The following CREBBP variants were observed in gnomAD, a reference collection of about 807,000 sequenced individuals.
The protein encoded by CREBBP is CREB binding lysine acetyltransferase, also known as CREB-binding protein.
In CREBBP, 19 loss-of-function variants were observed where a neutral mutation model predicts 265.0. The observed-to-expected ratio is 0.07, with a 90% CI of 0.05 to 0.11. CREBBP has a LOEUF of 0.11. Among genes scored for constraint, CREBBP ranks in the 10% least tolerant of loss-of-function variants. The pLI is 1.00. For synonymous variants in CREBBP, 1,457 were observed against 1,223.7 expected, an observed-to-expected ratio of 1.19 and a Z score of -3.98; for missense variants, 2,525 against 3,219.0, an observed-to-expected ratio of 0.78 and a Z score of 5.22.
At chr16:3,872,916 G>C (rs1371205427) in intron 1 of CREBBP, among the ~76,000 whole-genome samples, 1 of 152,248 alleles carries the variant, frequency 6.6e-6, no homozygotes, top group Admixed American at 6.5e-5. Context: ...CTCCCACTGG[G>C]GCATGCGGCC....
In CREBBP at chr16:3,727,377, T is replaced by C. The variant is rs2051771335; in HGVS notation, c.*341A>G. 1 of 287,178 alleles carries C rather than the reference T, an allele frequency of 3.5e-6. No individual in the cohort carries two copies. The highest frequency in any genetic ancestry group is 1.1e-3 in the Middle Eastern group (1 of 926). The allele number at this position is 287,178 out of a possible 1,614,324, so 17.8% of individuals were successfully genotyped here. ...ATACAAATAAAAAATATGAATATAA[T>C]GAACTTGTTTTTCCCGTTAAAAAAA... On this transcript the variant is annotated 3_prime_UTR_variant, in exon 31 of 31. Coordinates refer to ENST00000262367, the MANE Select transcript of CREBBP (RefSeq NM_004380.3).
intron 1 of CREBBP, among the ~76,000 whole-genome samples, chr16:3,874,814 A>G (rs59194068): frequency 6.6e-6 from 1 of 152,322 alleles, no homozygotes; most frequent in East Asian, 1.9e-4. Context: ...CATGCCCTCT[A>G]GTTTCTTGGA....
In CREBBP at chr16:3,752,598, T is replaced by A. The variant is rs3761678; in HGVS notation, c.3699-792A>T. ...CATTTATCAATATGAATATACAGAGTAAGAAATGTGATATATTGTATAAGA... is the reference window on the plus strand; with the variant it reads ...CATTTATCAATATGAATATACAGAGAAAGAAATGTGATATATTGTATAAGA... On this transcript the variant is annotated intron_variant, in intron 19 of 30. Transcript: ENST00000262367. 5.7e-3 allele frequency among the ~76,000 whole-genome samples: 870 copies of A among 152,070 alleles called. 26 individuals carry two copies. The East Asian group carries it at 0.085, about 15-fold the overall frequency.
At chr16:3,794,172 G>GA (rs2053560377) in intron 3 of CREBBP, among the ~76,000 whole-genome samples, 1 of 151,442 alleles carries the variant, frequency 6.6e-6, no homozygotes, top group African/African-American at 2.4e-5. Context: ...CTAAAAAACA[G>GA]AAAAAATTAG....
At chr16:3,740,293 A>G in intron 24 of CREBBP, 106 bp downstream of exon 24, 1 of 1,415,600 alleles carries the variant, frequency 7.1e-7, no homozygotes, top group Non-Finnish European at 9.9e-7. Context: ...GCTGCTGCAA[A>G]GTCTTGGAAG....
intron 2 of CREBBP, among the ~76,000 whole-genome samples, chr16:3,823,836 G>C (rs116442050): frequency 2.0e-5 from 3 of 151,996 alleles, no homozygotes; most frequent in African/African-American, 7.3e-5. Flanking sequence ...AGTTCCTATC[G>C]AGCAGCAGAC....
chr16:3,855,237 T>A (rs2054934224), intron 1 of CREBBP, among the ~76,000 whole-genome samples: 1 of 152,228 alleles, frequency 6.6e-6, no homozygotes, highest in Non-Finnish European at 1.5e-5. Context: ...AAAGGTTCCC[T>A]GGCCTTTGTC....
At chr16:3,823,244 A>C (rs2054174466) in intron 2 of CREBBP, among the ~76,000 whole-genome samples, 1 of 152,196 alleles carries the variant, frequency 6.6e-6, no homozygotes, top group African/African-American at 2.4e-5. Context: ...GTCGTTCTCT[A>C]CTCAAACATT....
intron 25 of CREBBP, among the ~76,000 whole-genome samples, chr16:3,738,923 T>G (rs1266179279): frequency 6.6e-6 from 1 of 152,220 alleles, no homozygotes; most frequent in East Asian, 1.9e-4. Flanking sequence ...ATTTATTTTT[T>G]GTAGAGCTAG....
intron 2 of CREBBP, among the ~76,000 whole-genome samples, chr16:3,842,172 T>C (rs1320264511): frequency 6.6e-6 from 1 of 152,208 alleles, no homozygotes; most frequent in African/African-American, 2.4e-5. Flanking sequence ...TTTGGTCACG[T>C]TTCAGATTTG....
At chr16:3,849,454 T>TGTGTGTGTGTG (rs2054773291) in intron 2 of CREBBP, among the ~76,000 whole-genome samples, 1 of 90,324 alleles carries the variant, frequency 1.1e-5, no homozygotes, top group Non-Finnish European at 2.7e-5. Flanking sequence ...TGTGTGTGTG[T>TGTGTGTGTGTG]GTGTGTGTGT....
At position 3,728,789 on chromosome 16, in the gene CREBBP, C is replaced by T. The variant is rs2151305113; in HGVS notation, c.6258G>A (p.Val2086=). 1 of 1,613,806 alleles carries T rather than the reference C, an allele frequency of 6.2e-7. No individual in the cohort carries two copies. Among genetic ancestry groups the T allele is most frequent in the Non-Finnish European group, 8.5e-7 (1 of 1,180,012 alleles). The change falls in exon 31 of 31, where the codon GTG becomes GTA. Residue 2086 remains valine, a synonymous_variant. Transcript: ENST00000262367. The surrounding 1 kb of genome is among the most constrained non-coding windows in gnomAD (Gnocchi z 8.7). ...GCGGGTTTGATTTGAGAATGTTCAG[C>T]ACCTGCTGTTGCTGCTGAGGGGAGC... The part of the protein sequence containing the change: ...SPSSPQQQQQ[V]LNILKSNPQL...
At chr16:3,771,130 G>A in intron 13 of CREBBP, 144 bp from the exon 14 acceptor site, 1 of 842,814 alleles carries the variant, frequency 1.2e-6, no homozygotes, top group Non-Finnish European at 1.9e-6. Context: ...ATGCAATGGT[G>A]CGATCTCGGC....
At chr16:3,763,505 G>A (rs2052771888) in intron 16 of CREBBP, among the ~76,000 whole-genome samples, 1 of 152,188 alleles carries the variant, frequency 6.6e-6, no homozygotes, top group Non-Finnish European at 1.5e-5. Context: ...TTGTTGCCCA[G>A]GCTGGAGTGC....
chr16:3,848,738 T>G (rs139379224), intron 2 of CREBBP, among the ~76,000 whole-genome samples: 2 of 152,252 alleles, frequency 1.3e-5, no homozygotes, highest in Admixed American at 6.5e-5. Context: ...GAGTGATGAA[T>G]GAACTGGGAA....
chr16:3,827,202 A>T (rs1482052074), intron 2 of CREBBP, among the ~76,000 whole-genome samples: 1 of 152,112 alleles, frequency 6.6e-6, no homozygotes, highest in African/African-American at 2.4e-5. Flanking sequence ...AAAAGAAAAA[A>T]AAAAACTATG....
At chr16:3,840,598 G>A in intron 2 of CREBBP, 1 of 171,812 alleles carries the variant, frequency 5.8e-6, no homozygotes, top group Non-Finnish European at 1.3e-5. Context: ...AAAATTCCCA[G>A]GACGATTCAG....
chr16:3,744,886 A>G lies in CREBBP; in HGVS notation c.3982+8T>C. On this transcript the variant is annotated splice_region_variant and intron_variant, in intron 23 of 30. Coordinates refer to ENST00000262367, the MANE Select transcript of CREBBP (RefSeq NM_004380.3). ...AGTCCAGGAAACAGAAAGCTTCCCG[A>G]AACTTACTCTTAGCACTGAATTTGT... 1 of 1,611,022 alleles carries G rather than the reference A, an allele frequency of 6.2e-7. No individual in the cohort carries two copies. The highest frequency in any genetic ancestry group is 8.5e-7 in the Non-Finnish European group (1 of 1,177,138).
At chr16:3,777,103 G>A (rs1238179653) in intron 11 of CREBBP, among the ~76,000 whole-genome samples, 1 of 151,956 alleles carries the variant, frequency 6.6e-6, no homozygotes, top group Non-Finnish European at 1.5e-5. Context: ...AGCACTTTGG[G>A]AGGCTGAGGT....
Sources: allele counts gnomAD v4.1 joint callset (sites outside exome capture counted in the v4.1 genomes callset), GRCh38; gene constraint gnomAD v4.1.1; non-coding constraint Gnocchi (gnomAD v3.1); transcripts MANE v1.5; gene names NCBI Gene and HGNC (gene_info 2026-07-23, HGNC 2026-07-21).